Variants in SUCLA2 observed in about 807,000 individuals in gnomAD.
SUCLA2 encodes succinate--CoA ligase [ADP-forming] subunit beta, mitochondrial.
In SUCLA2, 30 loss-of-function variants were observed where a neutral mutation model predicts 54.8. That is an observed-to-expected ratio of 0.55 (90% CI 0.41 to 0.74). SUCLA2 has a LOEUF of 0.74. SUCLA2 is among the 30% of genes least tolerant of loss of function. The pLI is 0.00. For missense variants in SUCLA2, 476 were observed against 562.9 expected, an observed-to-expected ratio of 0.85 and a Z score of 1.56; for synonymous variants, 172 against 188.9, an observed-to-expected ratio of 0.91 and a Z score of 0.74.
At chr13:47,980,424 T>A (rs975839571) in intron 4 of SUCLA2, among the ~76,000 whole-genome samples, 3 of 150,902 alleles carry the variant, frequency 2.0e-5, no homozygotes, top group South Asian at 4.2e-4. Flanking sequence ...CAAAAAAAAA[T>A]AAAAAATAAA....
intron 6 of SUCLA2, among the ~76,000 whole-genome samples, chr13:47,958,281 T>G (rs2137699851): frequency 6.6e-6 from 1 of 152,324 alleles, no homozygotes. Flanking sequence ...TGTAACCATG[T>G]AAAATCAGTG....
chr13:47,945,643 G>GACACACACACACAC (rs773399228), intron 10 of SUCLA2: 184 of 111,578 alleles, frequency 1.6e-3, no homozygotes, highest in African/African-American at 4.9e-3. Context: ...GGAAAAGGGA[G>GACACACACACACAC]ACACACACAC....
At chr13:47,954,689 T>C in intron 6 of SUCLA2, 132 bp from the exon 7 acceptor site, 1 of 985,618 alleles carries the variant, frequency 1.0e-6, no homozygotes, top group Non-Finnish European at 1.5e-6. Flanking sequence ...TATTTCAATT[T>C]ATGTTCACTA....
chr13:47,949,121 C>T, intron 9 of SUCLA2, 93 bp from the exon 10 acceptor site: 1 of 1,233,448 alleles, frequency 8.1e-7, no homozygotes, highest in Non-Finnish European at 1.2e-6. Flanking sequence ...AATAAAACCT[C>T]AACAGAGGAG....
chr13:47,966,959 G>A (rs1304347974), intron 6 of SUCLA2, among the ~76,000 whole-genome samples: 5 of 152,128 alleles, frequency 3.3e-5, no homozygotes, highest in Non-Finnish European at 4.4e-5. Context: ...GTTTAAGGCT[G>A]CAGTGAGCTG....
At position 47,949,043 on chromosome 13, in the gene SUCLA2, T is replaced by C; in HGVS notation, c.1229-15A>G. On this transcript the variant is annotated splice_polypyrimidine_tract_variant and intron_variant, in intron 9 of 10. Transcript: ENST00000646932. The stretch of plus-strand genomic sequence containing the variant: ...GACTCGTGTACCTGTAAATGATTTA[T>C]GCAAATATAAATGTTTTAAATACAC... 8 of 1,611,646 alleles carry C rather than the reference T, an allele frequency of 5.0e-6. No individual in the cohort carries two copies. The highest frequency in any genetic ancestry group is 6.8e-6 in the Non-Finnish European group (8 of 1,177,846).
intron 8 of SUCLA2, among the ~76,000 whole-genome samples, chr13:47,951,825 C>T (rs1174477592): frequency 1.3e-5 from 2 of 152,014 alleles, no homozygotes; most frequent in African/African-American, 4.8e-5. Context: ...GTCTTCACCC[C>T]TCTAGCTACA....
At position 47,988,989 on chromosome 13, in the gene SUCLA2, A is replaced by G. The variant is rs777701275; in HGVS notation, c.272-8T>C. On this transcript the variant is annotated splice_region_variant and splice_polypyrimidine_tract_variant and intron_variant, in intron 2 of 10. Coordinates refer to ENST00000646932, the MANE Select transcript of SUCLA2 (RefSeq NM_003850.3). ...TCACGACATCTTTTGAACCTAGAAG[A>G]AAAACACTTCTATTAAATATGAAGC... 2 of 1,611,424 alleles carry G rather than the reference A, an allele frequency of 1.2e-6. No homozygotes were observed. Among genetic ancestry groups the G allele is most frequent in the Admixed American group, 3.3e-5 (2 of 60,032 alleles).
chr13:47,953,228 C>A (rs1024672876), intron 8 of SUCLA2, among the ~76,000 whole-genome samples: 11 of 152,256 alleles, frequency 7.2e-5, no homozygotes, highest in African/African-American at 2.6e-4. Context: ...TTTCTCCATT[C>A]TTGCACCTGG....
intron 1 of SUCLA2, among the ~76,000 whole-genome samples, chr13:48,000,253 T>A (rs1950220001): frequency 6.6e-6 from 1 of 152,008 alleles, no homozygotes; most frequent in South Asian, 2.1e-4. Flanking sequence ...AGGACACCAA[T>A]AATGCCCTTC....
At chr13:47,993,513 A>G (rs1167091017) in intron 2 of SUCLA2, among the ~76,000 whole-genome samples, 1 of 152,168 alleles carries the variant, frequency 6.6e-6, no homozygotes, top group Non-Finnish European at 1.5e-5. Flanking sequence ...ACAGCAGGTA[A>G]AACTTGCCTA....
Position 47,943,125 on chromosome 13 carries a change from TAGG to T in SUCLA2, c.*243_*245del, listed in dbSNP as rs1949698821. On this transcript the variant is annotated 3_prime_UTR_variant, in exon 11 of 11. Coordinates refer to ENST00000646932, the MANE Select transcript of SUCLA2 (RefSeq NM_003850.3). ...CTGGCAAATTGCAAGTTACGTTTTGTAGGAGAAGCAAAAAAGACTGGCTGCGAC... is the reference window on the plus strand; with the variant it reads ...CTGGCAAATTGCAAGTTACGTTTTGTAGAAGCAAAAAAGACTGGCTGCGAC... 3 of 468,242 alleles carry T rather than the reference TAGG, an allele frequency of 6.4e-6. No homozygotes were observed. The highest frequency in any genetic ancestry group is 2.5e-5 in the South Asian group (1 of 39,358). The allele number at this position is 468,242 out of a possible 1,614,324, so 29.0% of individuals were successfully genotyped here. A position where few individuals can be genotyped will look rare whatever the true frequency, so the allele number is the denominator to read the frequency against.
chr13:47,994,577 A>C (rs950168658), intron 2 of SUCLA2, among the ~76,000 whole-genome samples: 3 of 151,706 alleles, frequency 2.0e-5, no homozygotes, highest in Non-Finnish European at 4.4e-5. Context: ...CAAAAAAAAA[A>C]AAAAAAAAAA....
chr13:47,943,581 T>C (rs1179423581), intron 10 of SUCLA2, 136 bp from the exon 11 acceptor site: 1 of 748,046 alleles, frequency 1.3e-6, no homozygotes, highest in Non-Finnish European at 2.3e-6. Flanking sequence ...CACATTACGT[T>C]CTTATAAGCA....
At chr13:47,943,760 G>GTATA (rs1397232676) in intron 10 of SUCLA2, among the ~76,000 whole-genome samples, 46 of 129,334 alleles carry the variant, frequency 3.6e-4, no homozygotes, top group African/African-American at 1.3e-3. Flanking sequence ...GTGTGTGTGT[G>GTATA]TGTGTGTATA....
At chr13:47,957,751 G>A (rs1051810644) in intron 6 of SUCLA2, among the ~76,000 whole-genome samples, 12 of 152,034 alleles carry the variant, frequency 7.9e-5, no homozygotes, top group South Asian at 2.1e-4. Context: ...TGTTGTGTCC[G>A]GGCAAGTGAG....
At chr13:47,971,650 T>C (rs527337283) in intron 5 of SUCLA2, 67 of 364,656 alleles carry the variant, frequency 1.8e-4, no homozygotes, top group Admixed American at 9.3e-4. Context: ...ACATACAAAT[T>C]GAAAGAATTG....
intron 10 of SUCLA2, among the ~76,000 whole-genome samples, chr13:47,943,983 T>A (rs1438748002): frequency 2.0e-5 from 3 of 152,082 alleles, no homozygotes; most frequent in African/African-American, 4.8e-5. Context: ...GTTCCAATTC[T>A]CTCTACAATC....
chr13:47,988,302 C>A, intron 4 of SUCLA2: 2 of 534,206 alleles, frequency 3.7e-6, no homozygotes, highest in South Asian at 3.0e-5. Flanking sequence ...TTTGAGAATC[C>A]CATGAAATTT....
Sources: allele counts gnomAD v4.1 joint callset (sites outside exome capture counted in the v4.1 genomes callset), GRCh38; gene constraint gnomAD v4.1.1; transcripts MANE v1.5; gene names NCBI Gene and HGNC (gene_info 2026-07-23, HGNC 2026-07-21).